Variants in RGS6 observed in about 807,000 individuals in gnomAD.
RGS6 encodes regulator of G protein signaling 6, also known as regulator of G-protein signaling 6.
Under a neutral mutation model 78.5 loss-of-function variants are expected in RGS6, and 30 were observed. That is an observed-to-expected ratio of 0.38 (90% confidence interval 0.29 to 0.52). The LOEUF is 0.52. Among genes scored for constraint, RGS6 ranks in the 20% least tolerant of loss-of-function variants. RGS6 has a pLI of 0.85. For missense variants in RGS6, 495 were observed against 609.7 expected, an observed-to-expected ratio of 0.81 and a Z score of 1.98; for synonymous variants, 206 against 206.0, an observed-to-expected ratio of 1.00 and a Z score of 0.00.
chr14:72,311,518 T>G (rs2152461623), intron 2 of RGS6, among the ~76,000 whole-genome samples: 1 of 152,278 alleles, frequency 6.6e-6, no homozygotes. Context: ...AAGAAAACAT[T>G]ATTGTAGCTT....
intron 2 of RGS6, among the ~76,000 whole-genome samples, chr14:72,154,221 C>T (rs2096736907): frequency 6.6e-6 from 1 of 152,084 alleles, no homozygotes; most frequent in Non-Finnish European, 1.5e-5. Flanking sequence ...GGTTGTCTTC[C>T]CTTGTTCCCT....
intron 2 of RGS6, among the ~76,000 whole-genome samples, chr14:71,973,675 ACT>A (rs927870773): frequency 3.3e-5 from 5 of 152,102 alleles, no homozygotes; most frequent in African/African-American, 7.2e-5. Context: ...ACAGAGTGAG[ACT>A]CTGTCTCAAG....
intron 2 of RGS6, among the ~76,000 whole-genome samples, chr14:72,307,472 G>A (rs1340824845): frequency 1.3e-5 from 2 of 152,006 alleles, no homozygotes; most frequent in African/African-American, 2.4e-5. Context: ...CTGATATAAG[G>A]TATGAGATAA....
the RGS6 span, among the ~76,000 whole-genome samples, chr14:72,582,936 T>G: frequency 7.3e-6 from 1 of 136,330 alleles, no homozygotes; most frequent in African/African-American, 2.7e-5. Flanking sequence ...TTTGAATGAG[T>G]GGACTGAGTA....
intron 12 of RGS6, 21 bp downstream of exon 12, chr14:72,478,350 A>G: frequency 6.6e-7 from 1 of 1,504,436 alleles, no homozygotes; most frequent in Admixed American, 1.7e-5. Flanking sequence ...CTTTAATAAT[A>G]TTACTACTTT....
At chr14:71,917,582 C>G in the RGS6 span, among the ~76,000 whole-genome samples, 2 of 152,148 alleles carry the variant, frequency 1.3e-5, no homozygotes, top group African/African-American at 2.4e-5. Context: ...GCTTAGGCTG[C>G]AGCCCTGCGT....
chr14:72,118,475 T>C (rs1436172583), intron 2 of RGS6, among the ~76,000 whole-genome samples: 1 of 152,212 alleles, frequency 6.6e-6, no homozygotes, highest in African/African-American at 2.4e-5. Context: ...CACCCTGCCC[T>C]TCCTGGAAAA....
chr14:71,932,138 T>C (rs2087917150), upstream of RGS6, among the ~76,000 whole-genome samples: 3 of 152,338 alleles, frequency 2.0e-5, no homozygotes, highest in South Asian at 2.1e-4. Flanking sequence ...AGCCAGTCTC[T>C]CGGTTTTCTC....
At chr14:72,353,977 C>G (rs1173726565) in intron 3 of RGS6, among the ~76,000 whole-genome samples, 1 of 123,308 alleles carries the variant, frequency 8.1e-6, no homozygotes, top group Admixed American at 7.8e-5. Flanking sequence ...GAGCGAGACT[C>G]TGTCTCAGCA....
chr14:72,436,060 AC>A (rs1448469050), intron 3 of RGS6, among the ~76,000 whole-genome samples: 1 of 151,930 alleles, frequency 6.6e-6, no homozygotes, highest in East Asian at 1.9e-4. Flanking sequence ...ACCCTCTTTG[AC>A]CCTTCTGCCT....
intron 2 of RGS6, among the ~76,000 whole-genome samples, chr14:72,339,773 T>C (rs2076657218): frequency 6.6e-6 from 1 of 152,044 alleles, no homozygotes; most frequent in Admixed American, 6.5e-5. Flanking sequence ...GGAGGCAGCA[T>C]TAAAAATCAG....
At chr14:72,625,116 T>C in the RGS6 span, among the ~76,000 whole-genome samples, 1 of 152,184 alleles carries the variant, frequency 6.6e-6, no homozygotes, top group South Asian at 2.1e-4. Flanking sequence ...ATCCTACTTC[T>C]CATCATACTT....
At chr14:72,573,478 C>T in the RGS6 span, among the ~76,000 whole-genome samples, 1 of 152,324 alleles carries the variant, frequency 6.6e-6, no homozygotes, top group African/African-American at 2.4e-5. Context: ...CAGGAATCTA[C>T]ATTTTTAACA....
At chr14:72,300,993 AG>A (rs1193335988) in intron 2 of RGS6, among the ~76,000 whole-genome samples, 1 of 152,200 alleles carries the variant, frequency 6.6e-6, no homozygotes, top group Non-Finnish European at 1.5e-5. Context: ...AGAACTTTAG[AG>A]GGGGAAAATA....
chr14:71,987,869 AAAT>A (rs1411801811), intron 2 of RGS6, among the ~76,000 whole-genome samples: 1 of 152,208 alleles, frequency 6.6e-6, no homozygotes, highest in Non-Finnish European at 1.5e-5. Context: ...TACAGTGAAT[AAAT>A]AACCTTCTCA....
At chr14:72,078,537 C>G (rs2094682794) in intron 2 of RGS6, among the ~76,000 whole-genome samples, 1 of 152,118 alleles carries the variant, frequency 6.6e-6, no homozygotes, top group African/African-American at 2.4e-5. Context: ...CCTCAGCTTC[C>G]CAAGTAGCTG....
chr14:72,356,245 G>A (rs2681760), intron 3 of RGS6, among the ~76,000 whole-genome samples: 61,404 of 151,550 alleles, frequency 0.41, 15,229 homozygotes, highest in African/African-American at 0.71. Context: ...AGGTTCTCCC[G>A]TGCTGTTCTC....
At chr14:72,053,071 C>CCCTTCCTT (rs2093410940) in intron 2 of RGS6, among the ~76,000 whole-genome samples, 1 of 17,010 alleles carries the variant, frequency 5.9e-5, no homozygotes, top group Admixed American at 7.7e-4. Context: ...CTCCCTCCCT[C>CCCTTCCTT]CCTCCCTCCC....
intron 2 of RGS6, among the ~76,000 whole-genome samples, chr14:72,162,975 A>G (rs533053046): frequency 2.6e-5 from 4 of 152,320 alleles, no homozygotes; most frequent in African/African-American, 9.6e-5. Flanking sequence ...ATATGTTCTC[A>G]CTCATAAGTG....
Sources: allele counts gnomAD v4.1 joint callset (sites outside exome capture counted in the v4.1 genomes callset), GRCh38; gene constraint gnomAD v4.1.1; transcripts MANE v1.5; gene names NCBI Gene and HGNC (gene_info 2026-07-23, HGNC 2026-07-21).